Variants in GNAS observed in about 807,000 individuals in gnomAD.
GNAS encodes the protein GNAS complex locus.
A neutral mutation model predicts 54.5 loss-of-function variants in GNAS; 8 were observed. The ratio of observed to expected loss-of-function variants is 0.15; its 90% CI spans 0.09 to 0.26. The LOEUF (loss-of-function observed/expected upper bound fraction) is 0.26. GNAS is among the 10% of genes least tolerant of loss of function. The pLI, the probability that GNAS is intolerant of heterozygous loss-of-function variation, is 1.00. For missense variants in GNAS, 170 were observed against 529.8 expected, an observed-to-expected ratio of 0.32 and a Z score of 6.67; for synonymous variants, 204 against 191.4, an observed-to-expected ratio of 1.07 and a Z score of -0.54.
chr20:58,909,477 A>AC lies in GNAS; in HGVS notation c.660-40dup. ...CAGAGATCATGGTTTCTTGACATTC[A>AC]CCCCAGTCCCTCTGGAATAACCAGC... On this transcript the variant is annotated intron_variant, in intron 8 of 12. Transcript: ENST00000371085. This position sits in a 1 kb window ranked among gnomAD's most constrained non-coding sequence, Gnocchi z 7.3. 4.3e-6 allele frequency: 7 copies of AC among 1,611,988 alleles called. No individual in the cohort carries two copies. The highest frequency in any genetic ancestry group is 5.9e-6 in the Non-Finnish European group (7 of 1,178,124).
intron 1 of GNAS, chr20:58,895,345 T>G: frequency 2.2e-6 from 1 of 465,080 alleles, no homozygotes; most frequent in Non-Finnish European, 4.0e-6. Flanking sequence ...CCACAATTTT[T>G]TAAACAATCA....
chr20:58,874,621 T>C (rs1299975347), intron 1 of GNAS, among the ~76,000 whole-genome samples: 1 of 151,916 alleles, frequency 6.6e-6, no homozygotes, highest in Non-Finnish European at 1.5e-5. Context: ...CCCTCCATCT[T>C]AGCTTCTGGC....
upstream of GNAS, among the ~76,000 whole-genome samples, chr20:58,887,752 G>A (rs6128454): frequency 6.6e-6 from 1 of 152,190 alleles, no homozygotes; most frequent in Admixed American, 6.5e-5. Flanking sequence ...ACGGTGTCTA[G>A]GCTGCGCTTC....
Position 58,891,451 on chromosome 20 carries a change from C to T in GNAS, c.-276C>T, listed in dbSNP as rs1428947852. The T allele has an allele frequency of 1.2e-5, 8 of 671,198 alleles. No individual in the cohort carries two copies. Among genetic ancestry groups the T allele is most frequent in the Non-Finnish European group, 1.5e-5 (8 of 544,410 alleles). 41.6% of individuals were successfully genotyped at this position (671,198 alleles called of 1,614,324 possible). ...CTCCCGCAGCTCCTGCTCTGGTCCG[C>T]CTCGGCCCGGCGGCGGCCATCAGCC... is the stretch of plus-strand genomic sequence containing the variant. On this transcript the variant is annotated 5_prime_UTR_variant, in exon 1 of 13. Transcript: ENST00000371085.
intron 1 of GNAS, among the ~76,000 whole-genome samples, chr20:58,859,179 T>A (rs143309127): frequency 8.5e-5 from 13 of 152,200 alleles, no homozygotes; most frequent in African/African-American, 2.9e-4. Context: ...CCAGTAATAA[T>A]AATAACACAT....
At chr20:58,847,541 G>A (rs2085984032) in intron 1 of GNAS, among the ~76,000 whole-genome samples, 1 of 152,230 alleles carries the variant, frequency 6.6e-6, no homozygotes, top group African/African-American at 2.4e-5. Flanking sequence ...CTTCATAGTT[G>A]CCTAAATTCT....
intron 1 of GNAS, among the ~76,000 whole-genome samples, chr20:58,865,333 G>A (rs535968637): frequency 3.3e-5 from 5 of 151,180 alleles, no homozygotes; most frequent in African/African-American, 9.7e-5. Context: ...CAGGAGAATC[G>A]CTTGAACCCG....
At chr20:58,844,192 C>T (rs2085852473) in intron 1 of GNAS, 1 of 152,146 alleles carries the variant, frequency 6.6e-6, no homozygotes, top group Admixed American at 6.6e-5. Context: ...GAGCAGAAAC[C>T]ATGGTGTGAG....
intron 1 of GNAS, chr20:58,842,491 CTT>C (rs1401126971): frequency 5.0e-6 from 2 of 398,648 alleles, no homozygotes; most frequent in African/African-American, 4.1e-5. Flanking sequence ...GCGCCCAAGA[CTT>C]AGTTCTGCCG....
intron 5 of GNAS, among the ~76,000 whole-genome samples, chr20:58,904,782 A>G (rs1224714126): frequency 1.3e-5 from 2 of 152,264 alleles, no homozygotes; most frequent in Non-Finnish European, 1.5e-5. Context: ...AATAAACACA[A>G]TATGTATAAT....
At chr20:58,882,573 C>A (rs1268762068) in intron 1 of GNAS, among the ~76,000 whole-genome samples, 1 of 152,230 alleles carries the variant, frequency 6.6e-6, no homozygotes, top group Non-Finnish European at 1.5e-5. Context: ...GAGCCAGTGT[C>A]CAAAACTCAG....
intron 1 of GNAS, among the ~76,000 whole-genome samples, chr20:58,880,557 G>A (rs2088160296): frequency 6.6e-6 from 1 of 152,176 alleles, no homozygotes; most frequent in Non-Finnish European, 1.5e-5. Flanking sequence ...TTTCTAAAAG[G>A]ACAAGCGTGA....
At chr20:58,893,332 A>G (rs980010105) in intron 1 of GNAS, among the ~76,000 whole-genome samples, 3 of 151,868 alleles carry the variant, frequency 2.0e-5, no homozygotes, top group East Asian at 1.9e-4. Context: ...GTTTTGGGGG[A>G]AAAAAATGTA....
Position 58,897,461 on chromosome 20 carries a change from T to C in GNAS, c.213-1480T>C, listed in dbSNP as rs184471910. ...TATTTTGATGAAAACTGGACATGGC[T>C]AGCATTTTTCAAAGATGCAGCAGCC... On this transcript the variant is annotated intron_variant, in intron 2 of 12. Coordinates refer to ENST00000371085, the MANE Select transcript of GNAS (RefSeq NM_000516.7). The C allele has an allele frequency of 2.6e-4, 39 of 152,348 alleles. 2 individuals are homozygous for C. The highest frequency in any genetic ancestry group is 2.0e-3 in the Admixed American group (30 of 15,308). 9.4% of individuals were successfully genotyped at this position (152,348 alleles called of 1,614,324 possible).
chr20:58,858,088 C>G (rs2086590501), intron 1 of GNAS, among the ~76,000 whole-genome samples: 1 of 152,098 alleles, frequency 6.6e-6, no homozygotes, highest in Non-Finnish European at 1.5e-5. Flanking sequence ...CTCTTCTGGA[C>G]CTGAATTATT....
At chr20:58,903,456 G>A (rs1240369340) in intron 3 of GNAS, 75 bp from the exon 4 acceptor site, 1 of 1,189,748 alleles carries the variant, frequency 8.4e-7, no homozygotes, top group African/African-American at 1.5e-5. Flanking sequence ...TTTTAGTCGG[G>A]ATGTCTTTAT....
Position 58,909,305 on chromosome 20 carries a change from T to C in GNAS, c.586-45T>C, listed in dbSNP as rs2146267829. Reference sequence around the variant, plus strand: ...GCTTTAGATTGGCAATTATTACTGTTTCGGTTGGCTTTGGTGAGATCCATT... The same window carrying C: ...GCTTTAGATTGGCAATTATTACTGTCTCGGTTGGCTTTGGTGAGATCCATT... On this transcript the variant is annotated intron_variant, in intron 7 of 12. Transcript: ENST00000371085. The surrounding 1 kb of genome is among the most constrained non-coding windows in gnomAD (Gnocchi z 7.3). The C allele has an allele frequency of 6.3e-7, 1 of 1,590,098 alleles. No individual in the cohort carries two copies. Among genetic ancestry groups the C allele is most frequent in the Non-Finnish European group, 8.6e-7 (1 of 1,158,126 alleles).
intron 1 of GNAS, among the ~76,000 whole-genome samples, chr20:58,870,053 C>A (rs1053433854): frequency 7.2e-5 from 11 of 152,190 alleles, no homozygotes; most frequent in Non-Finnish European, 1.6e-4. Flanking sequence ...ACAGGCCTCC[C>A]ACACAAGGAC....
chr20:58,868,691 A>G (rs2087223402), intron 1 of GNAS, among the ~76,000 whole-genome samples: 1 of 152,108 alleles, frequency 6.6e-6, no homozygotes, highest in African/African-American at 2.4e-5. Context: ...GAGTTCTCGA[A>G]TTTCTTTCTC....
Sources: allele counts gnomAD v4.1 joint callset (sites outside exome capture counted in the v4.1 genomes callset), GRCh38; gene constraint gnomAD v4.1.1; non-coding constraint Gnocchi (gnomAD v3.1); transcripts MANE v1.5; gene names NCBI Gene and HGNC (gene_info 2026-07-23, HGNC 2026-07-21).